The following ANK3 variants were observed in gnomAD, a reference collection of about 807,000 sequenced individuals.
ANK3 encodes ankyrin-3.
Under a neutral mutation model 370.9 loss-of-function variants are expected in ANK3, and 57 were observed. The ratio of observed to expected loss-of-function variants is 0.15; its 90% CI spans 0.12 to 0.19. ANK3 has a LOEUF of 0.19. ANK3 is among the 10% of genes least tolerant of loss of function. The probability of loss-of-function intolerance (pLI) is 1.00; values close to 1 mark genes in which losing one functional copy is unlikely to be tolerated. For synonymous variants in ANK3, 1,929 were observed against 1,946.3 expected, an observed-to-expected ratio of 0.99 and a Z score of 0.23; for missense variants, 4,439 against 5,302.1, an observed-to-expected ratio of 0.84 and a Z score of 5.06.
rs192857515 is a variant in ANK3, at chr10:60,165,748, C to T, written c.2614+843G>A. Among the ~76,000 whole-genome samples the T allele has an allele frequency of 1.1e-3, 165 of 152,228 alleles. 2 individuals carry two copies. Among genetic ancestry groups the T allele is most frequent in the African/African-American group, 3.6e-3 (149 of 41,532 alleles). On this transcript the variant is annotated intron_variant, in intron 23 of 43. Transcript: ENST00000280772. Reference sequence around the variant, plus strand: ...TAACCAAAAGAAAGCTACTACATGACAGGTGGCAAATGGAGGTCATAATAG... The same window carrying T: ...TAACCAAAAGAAAGCTACTACATGATAGGTGGCAAATGGAGGTCATAATAG...
chr10:60,327,111 G>A (rs1439690760), intron 1 of ANK3, among the ~76,000 whole-genome samples: 2 of 152,086 alleles, frequency 1.3e-5, no homozygotes, highest in African/African-American at 4.8e-5. Flanking sequence ...CTAAACATTC[G>A]GTGGGATGAA....
chr10:60,586,725 C>T (rs369870296), intron 2 of ANK3, among the ~76,000 whole-genome samples: 6 of 152,158 alleles, frequency 3.9e-5, no homozygotes, highest in African/African-American at 1.4e-4. Flanking sequence ...TACCATGTTG[C>T]TTTGTGGTAG....
intron 2 of ANK3, among the ~76,000 whole-genome samples, chr10:60,437,792 T>C (rs546147259): frequency 9.2e-5 from 14 of 152,270 alleles, no homozygotes; most frequent in African/African-American, 3.4e-4. Context: ...ACCCTAATTG[T>C]CCTGTCAGAT....
chr10:60,036,357 G>A (rs774513775), intron 43 of ANK3, among the ~76,000 whole-genome samples: 10 of 148,446 alleles, frequency 6.7e-5, no homozygotes, highest in Non-Finnish European at 1.0e-4. Flanking sequence ...AATAGCTGAC[G>A]CTTATTGAGT....
chr10:60,623,797 G>C (rs1163741801), intron 1 of ANK3, among the ~76,000 whole-genome samples: 2 of 152,182 alleles, frequency 1.3e-5, no homozygotes, highest in Non-Finnish European at 2.9e-5. Context: ...GGGATATCCT[G>C]CAGGAAAAGA....
rs190862879 is a variant in ANK3 at position 60,379,649 on chromosome 10, C to T, written c.114+9776G>A. Among the ~76,000 whole-genome samples the T allele has an allele frequency of 1.7e-4, 26 of 151,432 alleles. 1 individual carries two copies. Among genetic ancestry groups the T allele is most frequent in the African/African-American group, 2.9e-4 (12 of 41,268 alleles). On this transcript the variant is annotated intron_variant, in intron 1 of 43. Transcript: ENST00000280772. ...TACACACTGCATGTTCTCATTCATACGCAGACACTAAAAAAAAAGTTGATC... is the reference window on the plus strand; with the variant it reads ...TACACACTGCATGTTCTCATTCATATGCAGACACTAAAAAAAAAGTTGATC...
At chr10:60,711,935 T>G (rs551270456) in intron 1 of ANK3, among the ~76,000 whole-genome samples, 1 of 152,160 alleles carries the variant, frequency 6.6e-6, no homozygotes, top group Admixed American at 6.5e-5. Context: ...ATTTAAAGTG[T>G]TGAAAGAATA....
At position 60,615,326 on chromosome 10, in the gene ANK3, A is replaced by T. The variant is rs2078253687; in HGVS notation, c.58-102T>A. 1.1e-5 allele frequency: 8 copies of T among 708,120 alleles called. No homozygotes were observed. In the Middle Eastern group the frequency reaches 9.9e-4, roughly 87 times the overall value. The allele number at this position is 708,120 out of a possible 1,614,324, so 43.9% of individuals were successfully genotyped here. A position where few individuals can be genotyped will look rare whatever the true frequency, so the allele number is the denominator to read the frequency against. Reference sequence around the variant, plus strand: ...GCACATTATTAATTGACTTATAAACATAGTAAGTTCCTTAAAAGGGGAGAA... The same window carrying T: ...GCACATTATTAATTGACTTATAAACTTAGTAAGTTCCTTAAAAGGGGAGAA... On this transcript the variant is annotated intron_variant, in intron 1 of 43. Transcript: ENST00000373827.
chr10:60,332,089 T>C (rs898139025), intron 1 of ANK3, among the ~76,000 whole-genome samples: 3 of 152,180 alleles, frequency 2.0e-5, no homozygotes, highest in African/African-American at 4.8e-5. Context: ...TTTTCTATTG[T>C]GCTAACCTCA....
chr10:60,036,644 G>A (rs534302915), intron 43 of ANK3, among the ~76,000 whole-genome samples: 1 of 151,914 alleles, frequency 6.6e-6, no homozygotes, highest in African/African-American at 2.4e-5. Context: ...CACCGTGTTA[G>A]CCAGGATGGT....
chr10:60,286,085 CA>C (rs2098240841), intron 1 of ANK3, among the ~76,000 whole-genome samples: 1 of 152,070 alleles, frequency 6.6e-6, no homozygotes, highest in Admixed American at 6.6e-5. Context: ...CATATATGAA[CA>C]GTTCAAAGAA....
chr10:60,634,087 G>A (rs1452874618), intron 1 of ANK3, among the ~76,000 whole-genome samples: 2 of 152,158 alleles, frequency 1.3e-5, no homozygotes, highest in African/African-American at 4.8e-5. Flanking sequence ...GTGGAGAATA[G>A]TTCACTTCAA....
At chr10:60,409,718 C>T (rs992866121) in intron 2 of ANK3, among the ~76,000 whole-genome samples, 5 of 152,120 alleles carry the variant, frequency 3.3e-5, no homozygotes, top group Non-Finnish European at 7.3e-5. Flanking sequence ...CTTGAAGGAT[C>T]ATCTATGTGG....
intron 1 of ANK3, among the ~76,000 whole-genome samples, chr10:60,387,178 A>G (rs1312070485): frequency 6.6e-6 from 1 of 151,980 alleles, no homozygotes; most frequent in Non-Finnish European, 1.5e-5. Context: ...AAAAAATCCT[A>G]TACAATATTT....
At chr10:60,401,978 T>C (rs1178277959) in intron 2 of ANK3, among the ~76,000 whole-genome samples, 2 of 152,226 alleles carry the variant, frequency 1.3e-5, no homozygotes, top group African/African-American at 4.8e-5. Flanking sequence ...TTCCCAACTC[T>C]ACTTATATAT....
At chr10:60,257,959 G>T (rs1009189062) in intron 7 of ANK3, among the ~76,000 whole-genome samples, 1 of 152,174 alleles carries the variant, frequency 6.6e-6, no homozygotes, top group African/African-American at 2.4e-5. Flanking sequence ...GTGAAGATTA[G>T]ATTAGGTGGT....
intron 1 of ANK3, among the ~76,000 whole-genome samples, chr10:60,301,299 T>C (rs112521857): frequency 0.098 from 14,400 of 147,274 alleles, 899 homozygotes; most frequent in Non-Finnish European, 0.15. Context: ...TACACACACA[T>C]ACATATATAC....
At chr10:60,296,172 A>G (rs980455938) in intron 1 of ANK3, among the ~76,000 whole-genome samples, 1 of 152,234 alleles carries the variant, frequency 6.6e-6, no homozygotes, top group African/African-American at 2.4e-5. Flanking sequence ...ACCTTGCTTT[A>G]GTTCTCCTAG....
intron 25 of ANK3, among the ~76,000 whole-genome samples, chr10:60,128,915 G>A (rs1030278454): frequency 3.3e-5 from 5 of 152,170 alleles, no homozygotes; most frequent in Non-Finnish European, 5.9e-5. Context: ...ATCACACACA[G>A]TAATGTGTCT....
Sources: gnomAD v4.1 joint callset for allele counts (sites outside exome capture counted in the v4.1 genomes callset) on GRCh38, gnomAD v4.1.1 for gene constraint, MANE v1.5 for transcripts, NCBI Gene and HGNC (gene_info 2026-07-23, HGNC 2026-07-21) for gene names.